Variants in SLC7A7 observed in about 807,000 individuals in gnomAD.
The protein encoded by SLC7A7 is solute carrier family 7 member 7.
Under a neutral mutation model 47.9 loss-of-function variants are expected in SLC7A7, and 39 were observed. That is an observed-to-expected ratio of 0.81 (90% confidence interval 0.63 to 1.06). The LOEUF (loss-of-function observed/expected upper bound fraction) is 1.06. Ranked by LOEUF, SLC7A7 falls within the 50% of genes least tolerant of loss-of-function variation. The pLI, the probability that SLC7A7 is intolerant of heterozygous loss-of-function variation, is 0.00. For synonymous variants in SLC7A7, 234 were observed against 242.8 expected (o/e 0.96, Z 0.34); for missense variants, 588 against 632.0 (o/e 0.93, Z 0.75).
At position 22,773,340 on chromosome 14, in the gene SLC7A7, A is replaced by T; in HGVS notation, c.*270T>A. ...TAAAAGAAAAGAGGAGTAGGTAGGC[A>T]CACCCAGGTGCTTCTAAAACAACCA... On this transcript the variant is annotated 3_prime_UTR_variant, in exon 10 of 10. Transcript: ENST00000674313. The T allele has an allele frequency of 1.8e-6, 1 of 566,100 alleles. No homozygotes were observed. 35.1% of individuals were successfully genotyped at this position (566,100 alleles called of 1,614,324 possible).
chr14:22,808,411 C>T (rs538995164), intron 2 of SLC7A7, among the ~76,000 whole-genome samples: 1 of 152,244 alleles, frequency 6.6e-6, no homozygotes, highest in East Asian at 1.9e-4. Context: ...AAATTAAAGC[C>T]CTTCTCTTGC....
At chr14:22,818,570 C>T (rs2039435923), upstream of SLC7A7, among the ~76,000 whole-genome samples, 1 of 147,336 alleles carries the variant, frequency 6.8e-6, no homozygotes, top group Non-Finnish European at 1.5e-5. Flanking sequence ...GGCTCTTCTA[C>T]CCCAGGTTTT....
At chr14:22,800,654 G>T (rs1239415430) in intron 2 of SLC7A7, among the ~76,000 whole-genome samples, 1 of 148,100 alleles carries the variant, frequency 6.8e-6, no homozygotes, top group Non-Finnish European at 1.5e-5. Context: ...GATAAAGAAG[G>T]CCGGGTGCGG....
At chr14:22,775,574 TTGG>T (rs2038586447) in intron 6 of SLC7A7, 34 bp from the exon 7 acceptor site, 4 of 1,584,408 alleles carry the variant, frequency 2.5e-6, no homozygotes, top group Admixed American at 3.3e-5. Flanking sequence ...GCTGAGAAAA[TTGG>T]TGGACACGGT....
chr14:22,787,057 A>G (rs1200269348), intron 2 of SLC7A7, among the ~76,000 whole-genome samples: 1 of 152,060 alleles, frequency 6.6e-6, no homozygotes, highest in African/African-American at 2.4e-5. Context: ...TCTTCATTTT[A>G]TTAGTTCAAA....
intron 5 of SLC7A7, 80 bp from the exon 6 acceptor site, chr14:22,776,016 CT>C: frequency 7.0e-7 from 1 of 1,423,150 alleles, no homozygotes; most frequent in South Asian, 1.2e-5. Context: ...CCAGATTCCC[CT>C]TATTAGGTAT....
intron 7 of SLC7A7, 141 bp from the exon 8 acceptor site, chr14:22,774,644 C>T: frequency 9.2e-7 from 1 of 1,087,858 alleles, no homozygotes; most frequent in Non-Finnish European, 1.4e-6. Context: ...CCCTTTAACA[C>T]CCTAGTTTCA....
chr14:22,779,518 G>A (rs182774455), intron 3 of SLC7A7, among the ~76,000 whole-genome samples: 1 of 151,662 alleles, frequency 6.6e-6, no homozygotes, highest in Admixed American at 6.6e-5. Context: ...GCAGTGGCGT[G>A]ATCTCAGCTC....
chr14:22,774,209 C>T (rs2038545237), intron 8 of SLC7A7, 93 bp from the exon 9 acceptor site: 1 of 1,588,032 alleles, frequency 6.3e-7, no homozygotes, highest in Admixed American at 1.7e-5. Context: ...CGCACTGAGC[C>T]TTCTTTCCAT....
At chr14:22,788,476 G>A (rs10135308) in intron 2 of SLC7A7, among the ~76,000 whole-genome samples, 2,792 of 152,116 alleles carry the variant, frequency 0.018, 90 homozygotes, top group African/African-American at 0.062. Context: ...AGGCCAAGGC[G>A]GGCAGATCAC....
At chr14:22,777,236 G>A (rs772062146) in intron 4 of SLC7A7, among the ~76,000 whole-genome samples, 1 of 150,104 alleles carries the variant, frequency 6.7e-6, no homozygotes, top group Non-Finnish European at 1.5e-5. Flanking sequence ...AGGTTGTTTT[G>A]TTTTATACCC....
intron 2 of SLC7A7, among the ~76,000 whole-genome samples, chr14:22,783,909 G>C (rs1485111387): frequency 6.6e-6 from 1 of 152,212 alleles, no homozygotes; most frequent in African/African-American, 2.4e-5. Context: ...TGCCTGAAGA[G>C]AGCTAGCCCT....
At chr14:22,816,213 C>T (rs2039405002), upstream of SLC7A7, 1 of 158,480 alleles carries the variant, frequency 6.3e-6, no homozygotes, top group Non-Finnish European at 1.4e-5. Flanking sequence ...GAAATCAGGC[C>T]AGACGCGGTG....
chr14:22,799,290 C>T lies in SLC7A7; in HGVS notation c.499+13610G>A, dbSNP rs114966204. Among the ~76,000 whole-genome samples the T allele has an allele frequency of 6.2e-3, 944 of 151,354 alleles. 9 individuals carry two copies. Among genetic ancestry groups the T allele is most frequent in the African/African-American group, 0.022 (896 of 41,266 alleles). On this transcript the variant is annotated intron_variant, in intron 2 of 9. Transcript: ENST00000674313. ...ATCTTCCAGGTTTCCACCTATCTCT[C>T]TAGATGCTCCTTCTCCATCTTTTCA...
At position 22,773,260 on chromosome 14, in the gene SLC7A7, G is replaced by A. The variant is rs529128022; in HGVS notation, c.*350C>T. 3 of 441,636 alleles carry A rather than the reference G, an allele frequency of 6.8e-6. No individual in the cohort carries two copies. Among genetic ancestry groups the A allele is most frequent in the Non-Finnish European group, 1.3e-5 (3 of 228,490 alleles). 27.4% of individuals were successfully genotyped at this position (441,636 alleles called of 1,614,324 possible). A position where few individuals can be genotyped will look rare whatever the true frequency, so the allele number is the denominator to read the frequency against. On this transcript the variant is annotated 3_prime_UTR_variant, in exon 10 of 10. Coordinates refer to ENST00000674313, the MANE Select transcript of SLC7A7 (RefSeq NM_003982.4). ...ACTTTTATTGTCATCCAGCACCTGT[G>A]ATAGTTTCATGTCTCTCTAAAGGAG...
At chr14:22,813,780 G>A (rs1280571184) in intron 1 of SLC7A7, among the ~76,000 whole-genome samples, 3 of 137,338 alleles carry the variant, frequency 2.2e-5, no homozygotes, top group Non-Finnish European at 4.6e-5. Context: ...CTGCCACCAC[G>A]CGTGGCTAAT....
intron 2 of SLC7A7, among the ~76,000 whole-genome samples, chr14:22,806,423 G>T (rs949842610): frequency 1.3e-5 from 2 of 151,482 alleles, no homozygotes. Context: ...TTAGGTAAGC[G>T]TGACTCAACT....
At chr14:22,792,172 T>A (rs2038935830) in intron 2 of SLC7A7, among the ~76,000 whole-genome samples, 1 of 151,762 alleles carries the variant, frequency 6.6e-6, no homozygotes, top group Non-Finnish European at 1.5e-5. Flanking sequence ...AATTTCACCC[T>A]GGCTTCTTTG....
chr14:22,776,956 G>A (rs922008686), intron 4 of SLC7A7, among the ~76,000 whole-genome samples: 3 of 145,602 alleles, frequency 2.1e-5, no homozygotes, highest in Non-Finnish European at 4.5e-5. Flanking sequence ...GCGACAGAGC[G>A]AGACTCTGTC....
Sources: allele counts gnomAD v4.1 joint callset (sites outside exome capture counted in the v4.1 genomes callset), GRCh38; gene constraint gnomAD v4.1.1; transcripts MANE v1.5; gene names NCBI Gene and HGNC (gene_info 2026-07-23, HGNC 2026-07-21).